Variants in PDE4D observed in about 807,000 individuals in gnomAD.
PDE4D encodes the protein phosphodiesterase 4D.
In PDE4D, 24 loss-of-function variants were observed where a neutral mutation model predicts 87.4. The ratio of observed to expected loss-of-function variants is 0.27; its 90% CI spans 0.20 to 0.39. The LOEUF is 0.39. PDE4D is among the 10% of genes least tolerant of loss of function. The pLI is 1.00. For synonymous variants in PDE4D, 384 were observed against 383.2 expected (o/e 1.00, Z -0.02); for missense variants, 714 against 1,041.0 (o/e 0.69, Z 4.32).
At chr5:59,498,421 A>G (rs1807624792) in intron 1 of PDE4D, among the ~76,000 whole-genome samples, 1 of 151,598 alleles carries the variant, frequency 6.6e-6, no homozygotes, top group Non-Finnish European at 1.5e-5. Context: ...GGCCATGCAA[A>G]GTTAATATTG....
At chr5:59,730,491 G>A (rs1238472957) in intron 1 of PDE4D, among the ~76,000 whole-genome samples, 3 of 152,078 alleles carry the variant, frequency 2.0e-5, no homozygotes, top group African/African-American at 7.2e-5. Flanking sequence ...ACATATGCAC[G>A]GAATAGTGGA....
Position 59,156,320 on chromosome 5 carries a change from A to AAT in PDE4D, c.808+24273_808+24274dup, listed in dbSNP as rs1554082853. 2.9e-3 allele frequency among the ~76,000 whole-genome samples: 236 copies of AAT among 81,762 alleles called. 4 individuals are homozygous for AAT. Among genetic ancestry groups the AAT allele is most frequent in the African/African-American group, 7.9e-3 (155 of 19,648 alleles). 53.6% of individuals were successfully genotyped at this position (81,762 alleles called of 152,430 possible). ...CTAGAGACTTGCCAGAAAAAAAAAAAATATATATATATGTGTGTGTGTGTG... is the reference window on the plus strand; with the variant it reads ...CTAGAGACTTGCCAGAAAAAAAAAAAATATATATATATATGTGTGTGTGTGTG... On this transcript the variant is annotated intron_variant, in intron 5 of 14. Transcript: ENST00000340635.
intron 5 of PDE4D, among the ~76,000 whole-genome samples, chr5:59,100,284 A>C (rs2910642): frequency 7.9e-5 from 12 of 151,940 alleles, no homozygotes; most frequent in Non-Finnish European, 1.5e-5. Context: ...ATTCCTTGCC[A>C]TTTCCTCTGT....
chr5:59,337,619 T>A (rs1777938232), intron 1 of PDE4D, among the ~76,000 whole-genome samples: 1 of 152,138 alleles, frequency 6.6e-6, no homozygotes, highest in Admixed American at 6.5e-5. Flanking sequence ...AATTTACAGA[T>A]AAGGACACTA....
In PDE4D at chr5:59,332,136, A is replaced by T. The variant is rs531458139; in HGVS notation, c.456-116168T>A. 2.6e-5 allele frequency among the ~76,000 whole-genome samples: 4 copies of T among 152,342 alleles called. No individual in the cohort carries two copies. The South Asian group carries it at 8.3e-4, about 32-fold the overall frequency. ...TGACATCAATCATTTCAGAGGCAATATGATGAAAATATTTCAAACAATTAT... is the reference window on the plus strand; with the variant it reads ...TGACATCAATCATTTCAGAGGCAATTTGATGAAAATATTTCAAACAATTAT... On this transcript the variant is annotated intron_variant, in intron 1 of 14. Coordinates refer to ENST00000340635, the MANE Select transcript of PDE4D (RefSeq NM_001104631.2).
At chr5:59,949,601 C>G (rs1758089100) in intron 3 of PDE4D, among the ~76,000 whole-genome samples, 1 of 152,086 alleles carries the variant, frequency 6.6e-6, no homozygotes, top group African/African-American at 2.4e-5. Context: ...GCCTCTATGA[C>G]CAAGTGGGCC....
chr5:59,564,344 A>C (rs1004687485), intron 1 of PDE4D, among the ~76,000 whole-genome samples: 16 of 152,214 alleles, frequency 1.1e-4, no homozygotes, highest in Non-Finnish European at 1.3e-4. Flanking sequence ...CTATGAGCTC[A>C]GTTCAAGCTG....
intron 1 of PDE4D, among the ~76,000 whole-genome samples, chr5:59,342,025 T>C (rs1778818527): frequency 6.6e-6 from 1 of 152,142 alleles, no homozygotes. Context: ...ATAAATGTCA[T>C]ACAAGCTGCA....
intron 1 of PDE4D, among the ~76,000 whole-genome samples, chr5:60,268,784 G>A (rs1260918268): frequency 1.3e-5 from 2 of 152,158 alleles, no homozygotes; most frequent in Non-Finnish European, 2.9e-5. Context: ...GAAGTTCCAT[G>A]TCATTTGTCA....
intron 2 of PDE4D, among the ~76,000 whole-genome samples, chr5:60,087,192 A>G (rs550607929): frequency 6.6e-6 from 1 of 152,350 alleles, no homozygotes; most frequent in Admixed American, 6.5e-5. Context: ...ACCAGTGCAC[A>G]CTATAAGACT....
Position 60,498,143 on chromosome 5 carries a change from C to G in PDE4D, n.70+23908G>C, listed in dbSNP as rs892379942. Reference sequence around the variant, plus strand: ...ACAGTTTGGAGGAACATCCCCAGAACCAGTGACTGGAGACACACACATGCA... The same window carrying G: ...ACAGTTTGGAGGAACATCCCCAGAAGCAGTGACTGGAGACACACACATGCA... On this transcript the variant is annotated intron_variant and non_coding_transcript_variant, in intron 1 of 2. Transcript: ENST00000506510. Among the ~76,000 whole-genome samples the G allele has an allele frequency of 2.0e-5, 3 of 150,672 alleles. No homozygotes were observed. The East Asian group carries it at 5.9e-4, about 29-fold the overall frequency.
chr5:59,026,161 G>T (rs1353234533), intron 6 of PDE4D, among the ~76,000 whole-genome samples: 1 of 152,208 alleles, frequency 6.6e-6, no homozygotes, highest in Non-Finnish European at 1.5e-5. Context: ...ATGAGAAAGA[G>T]CAGTTTATGA....
intron 3 of PDE4D, among the ~76,000 whole-genome samples, chr5:59,985,966 T>C (rs1164442037): frequency 6.6e-6 from 1 of 152,264 alleles, no homozygotes; most frequent in Non-Finnish European, 1.5e-5. Context: ...TGTACTTGAT[T>C]CTTAAATCTT....
At chr5:59,976,696 T>C (rs546105675) in intron 3 of PDE4D, among the ~76,000 whole-genome samples, 1 of 152,334 alleles carries the variant, frequency 6.6e-6, no homozygotes, top group African/African-American at 2.4e-5. Flanking sequence ...CTTCACAATA[T>C]TGTGCTTTTA....
At chr5:60,367,507 C>CT (rs555807825) in intron 1 of PDE4D, among the ~76,000 whole-genome samples, 1 of 151,160 alleles carries the variant, frequency 6.6e-6, no homozygotes, top group Admixed American at 6.6e-5. Context: ...ATTTTCTTTT[C>CT]TTTTTTTTCA....
At chr5:60,405,510 C>T (rs997639423) in intron 1 of PDE4D, among the ~76,000 whole-genome samples, 11 of 152,212 alleles carry the variant, frequency 7.2e-5, no homozygotes, top group African/African-American at 2.7e-4. Flanking sequence ...CAAACCATTC[C>T]ACATAGGTGG....
intron 11 of PDE4D, among the ~76,000 whole-genome samples, chr5:58,982,189 T>A (rs1162820428): frequency 2.6e-5 from 4 of 152,140 alleles, no homozygotes; most frequent in Non-Finnish European, 4.4e-5. Context: ...TTCTATCCAA[T>A]GATTCCTGGA....
chr5:59,812,933 G>C (rs1474146553), intron 1 of PDE4D, among the ~76,000 whole-genome samples: 1 of 152,198 alleles, frequency 6.6e-6, no homozygotes. Flanking sequence ...CCCAAATTTT[G>C]CCAAGTCAGG....
intron 2 of PDE4D, among the ~76,000 whole-genome samples, chr5:60,009,830 T>G (rs888282921): frequency 1.3e-5 from 2 of 152,120 alleles, no homozygotes; most frequent in African/African-American, 2.4e-5. Context: ...GCTGATTGGT[T>G]TAATTTTACT....
Sources: allele counts gnomAD v4.1 joint callset (sites outside exome capture counted in the v4.1 genomes callset), GRCh38; gene constraint gnomAD v4.1.1; transcripts MANE v1.5; gene names NCBI Gene and HGNC (gene_info 2026-07-23, HGNC 2026-07-21).